The following HHIP variants were observed in gnomAD, a reference collection of about 807,000 sequenced individuals.
HHIP encodes hedgehog interacting protein, also known as hedgehog-interacting protein.
Under a neutral mutation model 74.0 loss-of-function variants are expected in HHIP, and 12 were observed. That is an observed-to-expected ratio of 0.16 (90% CI 0.10 to 0.26). HHIP has a LOEUF of 0.26. Among genes scored for constraint, HHIP ranks in the 10% least tolerant of loss-of-function variants. HHIP has a pLI of 1.00. For synonymous variants in HHIP, 309 were observed against 311.6 expected (o/e 0.99, Z 0.09); for missense variants, 788 against 845.0 (o/e 0.93, Z 0.84).
At chr4:144,660,621 T>C (rs577852671) in intron 4 of HHIP, among the ~76,000 whole-genome samples, 3 of 152,138 alleles carry the variant, frequency 2.0e-5, no homozygotes, top group African/African-American at 7.2e-5. Flanking sequence ...TATAGTCTTC[T>C]ACTCACATAG....
chr4:144,682,314 T>C (rs779964129), intron 4 of HHIP, among the ~76,000 whole-genome samples: 2 of 152,244 alleles, frequency 1.3e-5, no homozygotes, highest in Non-Finnish European at 2.9e-5. Flanking sequence ...CTGCTGGTTG[T>C]TCAGGTGCTC....
chr4:144,717,468 G>A (rs1282559607), intron 10 of HHIP, among the ~76,000 whole-genome samples: 1 of 152,090 alleles, frequency 6.6e-6, no homozygotes, highest in Non-Finnish European at 1.5e-5. Context: ...TGTGTTTAAT[G>A]CACAATAATA....
intron 4 of HHIP, among the ~76,000 whole-genome samples, chr4:144,670,943 A>G (rs1377102792): frequency 2.0e-5 from 3 of 152,082 alleles, no homozygotes; most frequent in Non-Finnish European, 4.4e-5. Flanking sequence ...AGGAAAAGTG[A>G]AACAAAACCT....
At chr4:144,731,776 T>G (rs374112340) in intron 11 of HHIP, among the ~76,000 whole-genome samples, 1 of 152,194 alleles carries the variant, frequency 6.6e-6, no homozygotes, top group Non-Finnish European at 1.5e-5. Flanking sequence ...CTAGTTCCTA[T>G]GAATATGAAT....
rs869028218 is a variant in HHIP, at chr4:144,716,854, G to GAAAA, written c.1678+1455_1678+1458dup. Among the ~76,000 whole-genome samples the GAAAA allele has an allele frequency of 3.5e-3, 192 of 54,660 alleles. 7 individuals carry two copies. The highest frequency in any genetic ancestry group is 4.3e-3 in the Non-Finnish European group (126 of 29,362). 35.9% of individuals were successfully genotyped at this position (54,660 alleles called of 152,430 possible). A position where few individuals can be genotyped will look rare whatever the true frequency, so the allele number is the denominator to read the frequency against. Reference sequence around the variant, plus strand: ...ACATGAGCAAAACTCCGTCTCAAAAGAAAAAAAAAAAAAAAAAAAAAAAAA... The same window carrying GAAAA: ...ACATGAGCAAAACTCCGTCTCAAAAGAAAAAAAAAAAAAAAAAAAAAAAAAAAAA... On this transcript the variant is annotated intron_variant, in intron 10 of 12. Transcript: ENST00000296575.
In HHIP at chr4:144,646,667, G is replaced by A; in HGVS notation, c.-9G>A. On this transcript the variant is annotated 5_prime_UTR_variant, in exon 1 of 13. An upstream open reading frame in the 5' UTR gains an earlier in-frame stop. Coordinates refer to ENST00000296575, the MANE Select transcript of HHIP (RefSeq NM_022475.3). ...TCCCGCGCCCAGCCCCTGCTGCTCT[G>A]GGCAGACGATGCTGAAGATGCTCTC... The A allele has an allele frequency of 3.1e-6, 5 of 1,613,008 alleles. No individual in the cohort carries two copies. The highest frequency in any genetic ancestry group is 4.2e-6 in the Non-Finnish European group (5 of 1,179,376).
At chr4:144,710,298 T>C (rs1250079840) in intron 7 of HHIP, among the ~76,000 whole-genome samples, 2 of 152,192 alleles carry the variant, frequency 1.3e-5, no homozygotes, top group Non-Finnish European at 2.9e-5. Flanking sequence ...CCACCTTAAG[T>C]CACAGCATGA....
rs1263527130 is a variant in HHIP at position 144,741,376 on chromosome 4, T to C, written c.*3419T>C. 2 of 151,104 alleles carry C rather than the reference T, an allele frequency of 1.3e-5. No homozygotes were observed. The highest frequency in any genetic ancestry group is 2.9e-5 in the Non-Finnish European group (2 of 67,798). The allele number at this position is 151,104 out of a possible 1,614,324, so 9.4% of individuals were successfully genotyped here. ...AATCCATTTGCTGTTTTTTTTTTTTTTTTGGTTTCTTTTTTTTTTTTTTTG... is the reference window on the plus strand; with the variant it reads ...AATCCATTTGCTGTTTTTTTTTTTTCTTTGGTTTCTTTTTTTTTTTTTTTG... On this transcript the variant is annotated 3_prime_UTR_variant, in exon 13 of 13. Coordinates refer to ENST00000296575, the MANE Select transcript of HHIP (RefSeq NM_022475.3).
rs1731202951 is a variant in HHIP, at chr4:144,739,147, T to C, written c.*1190T>C. ...GTGTTCCTTCAGAACTCAATGAAAATACTCTTTGGCTAATGTATCAATAAA... is the reference window on the plus strand; with the variant it reads ...GTGTTCCTTCAGAACTCAATGAAAACACTCTTTGGCTAATGTATCAATAAA... On this transcript the variant is annotated 3_prime_UTR_variant, in exon 13 of 13. Coordinates refer to ENST00000296575, the MANE Select transcript of HHIP (RefSeq NM_022475.3). 3 of 152,226 alleles carry C rather than the reference T, an allele frequency of 2.0e-5. No homozygotes were observed. The highest frequency in any genetic ancestry group is 2.0e-4 in the Admixed American group (3 of 15,278). 9.4% of individuals were successfully genotyped at this position (152,226 alleles called of 1,614,324 possible).
At chr4:144,692,708 A>T (rs1048549717) in intron 4 of HHIP, among the ~76,000 whole-genome samples, 7 of 152,218 alleles carry the variant, frequency 4.6e-5, no homozygotes, top group African/African-American at 1.7e-4. Flanking sequence ...AGAATACAAT[A>T]GCCCAGGCTG....
chr4:144,692,861 G>C (rs1729712368), intron 4 of HHIP, among the ~76,000 whole-genome samples: 1 of 147,414 alleles, frequency 6.8e-6, no homozygotes, highest in South Asian at 2.3e-4. Context: ...GAGAGGCTAA[G>C]GTAACTCTCC....
At chr4:144,710,119 C>T (rs367792747) in intron 7 of HHIP, among the ~76,000 whole-genome samples, 4 of 152,154 alleles carry the variant, frequency 2.6e-5, no homozygotes, top group Admixed American at 1.3e-4. Flanking sequence ...CTTAGTGGAC[C>T]TGGTATTCAG....
intron 4 of HHIP, among the ~76,000 whole-genome samples, chr4:144,695,426 T>C (rs1361753543): frequency 6.6e-6 from 1 of 151,822 alleles, no homozygotes; most frequent in East Asian, 1.9e-4. Flanking sequence ...ATATGTGTCA[T>C]ATTAGTCAAT....
At chr4:144,652,996 T>C (rs1017442107) in intron 2 of HHIP, among the ~76,000 whole-genome samples, 199 bp downstream of exon 2, 1 of 152,132 alleles carries the variant, frequency 6.6e-6, no homozygotes, top group Non-Finnish European at 1.5e-5. Flanking sequence ...TCTGCAAACA[T>C]TATAATTGGT....
rs111516636 is a variant in HHIP, at chr4:144,726,086, T to C, written c.1760+7130T>C. Among the ~76,000 whole-genome samples the C allele has an allele frequency of 7.3e-3, 1,108 of 152,306 alleles. 21 individuals are homozygous for C. Among genetic ancestry groups the C allele is most frequent in the African/African-American group, 0.026 (1,063 of 41,578 alleles). On this transcript the variant is annotated intron_variant, in intron 11 of 12. Transcript: ENST00000296575. ...TTATATTAAGTTACTAAAGCAATAC[T>C]TGTGTTTAACATTTTTATCAATTAT...
At chr4:144,735,040 G>T in intron 12 of HHIP, 151 bp downstream of exon 12, 2 of 628,342 alleles carry the variant, frequency 3.2e-6, no homozygotes, top group Non-Finnish European at 4.9e-6. Context: ...CTGTTTATGA[G>T]CTTGTAAGTA....
At chr4:144,701,720 T>G (rs1261930674) in intron 4 of HHIP, among the ~76,000 whole-genome samples, 10 of 152,230 alleles carry the variant, frequency 6.6e-5, no homozygotes, top group African/African-American at 2.2e-4. Flanking sequence ...GAACATAGTG[T>G]CACATTATTT....
At position 144,738,801 on chromosome 4, in the gene HHIP, G is replaced by A; in HGVS notation, c.*844G>A. ...TCACCAACTTAATTGGAAAGAAGGG[G>A]AGTGAGAAAGCAAACAGTCTTTAAT... is the stretch of plus-strand genomic sequence containing the variant. On this transcript the variant is annotated 3_prime_UTR_variant, in exon 13 of 13. Transcript: ENST00000296575. 1 of 489,840 alleles carries A rather than the reference G, an allele frequency of 2.0e-6. No individual in the cohort carries two copies. The highest frequency in any genetic ancestry group is 2.7e-6 in the Non-Finnish European group (1 of 377,090). The allele number at this position is 489,840 out of a possible 1,614,324, so 30.3% of individuals were successfully genotyped here. A position where few individuals can be genotyped will look rare whatever the true frequency, so the allele number is the denominator to read the frequency against.
At position 144,707,382 on chromosome 4, in the gene HHIP, C is replaced by T. The variant is rs532828428; in HGVS notation, c.1157+122C>T. On this transcript the variant is annotated intron_variant, in intron 6 of 12. Coordinates refer to ENST00000296575, the MANE Select transcript of HHIP (RefSeq NM_022475.3). The stretch of plus-strand genomic sequence containing the variant: ...ATGGTCACCTTGGTTAAATACTTAA[C>T]TTTTGTCATCAGTGTCTGCATTTAT... The T allele has an allele frequency of 2.8e-5, 21 of 738,466 alleles. No individual in the cohort carries two copies. The African/African-American group carries it at 3.5e-4, about 12-fold the overall frequency. The allele number at this position is 738,466 out of a possible 1,614,324, so 45.7% of individuals were successfully genotyped here.
Sources: gnomAD v4.1 joint callset for allele counts (sites outside exome capture counted in the v4.1 genomes callset) on GRCh38, gnomAD v4.1.1 for gene constraint, MANE v1.5 for transcripts, NCBI Gene and HGNC (gene_info 2026-07-23, HGNC 2026-07-21) for gene names.